RBM19: variants seen among roughly 807,000 people sequenced by gnomAD.
RBM19 encodes the protein probable RNA-binding protein 19.
Under a neutral mutation model 116.8 loss-of-function variants are expected in RBM19, and 94 were observed. That is an observed-to-expected ratio of 0.80 (90% confidence interval 0.68 to 0.95). The LOEUF is 0.95. Among genes scored for constraint, RBM19 ranks in the 40% least tolerant of loss-of-function variants. RBM19 has a pLI of 0.00. For missense variants in RBM19, 1,161 were observed against 1,220.7 expected (o/e 0.95, Z 0.73); for synonymous variants, 475 against 494.1 (o/e 0.96, Z 0.51).
chr12:113,922,706 T>C (rs1446717658), intron 18 of RBM19, among the ~76,000 whole-genome samples: 2 of 152,014 alleles, frequency 1.3e-5, no homozygotes, highest in South Asian at 4.1e-4. Flanking sequence ...CAAAACTATA[T>C]CTGAAGACCC....
intron 21 of RBM19, among the ~76,000 whole-genome samples, chr12:113,886,150 C>T (rs1056503348): frequency 2.0e-5 from 3 of 151,984 alleles, no homozygotes; most frequent in Non-Finnish European, 2.9e-5. Flanking sequence ...GGATTACAGG[C>T]GTGAGCCACC....
At chr12:113,890,269 C>T (rs1000352200) in intron 21 of RBM19, among the ~76,000 whole-genome samples, 16 of 152,176 alleles carry the variant, frequency 1.1e-4, no homozygotes, top group African/African-American at 3.9e-4. Context: ...GGCTCTGGGC[C>T]GTGAGTGGCC....
At chr12:113,842,284 G>A (rs1057074910) in intron 23 of RBM19, among the ~76,000 whole-genome samples, 1 of 152,224 alleles carries the variant, frequency 6.6e-6, no homozygotes, top group Non-Finnish European at 1.5e-5. Flanking sequence ...GGCTGGCCCC[G>A]GGGTTGGGGG....
chr12:113,920,012 GCCACC>G (rs1868388260), intron 19 of RBM19, among the ~76,000 whole-genome samples: 1 of 152,046 alleles, frequency 6.6e-6, no homozygotes, highest in African/African-American at 2.4e-5. Context: ...ACCCTGAACC[GCCACC>G]CCACGCCGCC....
intron 21 of RBM19, among the ~76,000 whole-genome samples, chr12:113,884,302 C>CAT (rs1880380004): frequency 1.1e-5 from 1 of 93,154 alleles, no homozygotes; most frequent in Admixed American, 1.5e-4. Flanking sequence ...AAAGTATACA[C>CAT]ACACACACAC....
At chr12:113,860,335 C>T (rs1237883578) in intron 21 of RBM19, among the ~76,000 whole-genome samples, 2 of 152,240 alleles carry the variant, frequency 1.3e-5, no homozygotes, top group Non-Finnish European at 2.9e-5. Flanking sequence ...CACCTAAAGG[C>T]GGATGCATCC....
chr12:113,918,522 C>CTCTGCTCTGGTG, intron 19 of RBM19, 75 bp from the exon 20 acceptor site: 1 of 1,517,462 alleles, frequency 6.6e-7, no homozygotes. Context: ...TTCACCAGAG[C>CTCTGCTCTGGTG]AGAGCCCTGG....
chr12:113,922,925 G>C (rs1868719514), intron 18 of RBM19, among the ~76,000 whole-genome samples: 1 of 152,208 alleles, frequency 6.6e-6, no homozygotes, highest in Non-Finnish European at 1.5e-5. Flanking sequence ...CTTGAGGTCA[G>C]GAGTTCGAGA....
chr12:113,890,195 G>A (rs929264120), intron 21 of RBM19, among the ~76,000 whole-genome samples: 7 of 152,320 alleles, frequency 4.6e-5, no homozygotes, highest in Admixed American at 2.6e-4. Flanking sequence ...TTTTACGGCC[G>A]CCTTCTCTAG....
chr12:113,917,218 C>T (rs1882821672), intron 20 of RBM19, among the ~76,000 whole-genome samples: 1 of 152,190 alleles, frequency 6.6e-6, no homozygotes, highest in African/African-American at 2.4e-5. Flanking sequence ...TGAGACCTTG[C>T]AAGGCTGAAT....
At chr12:113,838,128 C>G (rs1037768241) in intron 23 of RBM19, among the ~76,000 whole-genome samples, 3 of 152,234 alleles carry the variant, frequency 2.0e-5, no homozygotes, top group Admixed American at 1.3e-4. Flanking sequence ...CCTCTCCTGG[C>G]AGCTCAGGAC....
chr12:113,902,312 C>G (rs1461639412), intron 21 of RBM19, among the ~76,000 whole-genome samples: 2 of 152,074 alleles, frequency 1.3e-5, no homozygotes, highest in African/African-American at 4.8e-5. Flanking sequence ...ATTTCAAGAA[C>G]ATTATAGAGC....
At chr12:113,861,693 T>C (rs1878411230) in intron 21 of RBM19, among the ~76,000 whole-genome samples, 2 of 151,780 alleles carry the variant, frequency 1.3e-5, no homozygotes, top group Admixed American at 1.3e-4. Context: ...GAAAAATAAT[T>C]AAAAGGTAGA....
chr12:113,954,256 T>C (rs1871717541), intron 7 of RBM19, among the ~76,000 whole-genome samples: 1 of 152,124 alleles, frequency 6.6e-6, no homozygotes, highest in South Asian at 2.1e-4. Flanking sequence ...GGCAGCACTG[T>C]ACTACAGCCT....
intron 23 of RBM19, among the ~76,000 whole-genome samples, chr12:113,838,556 A>AT (rs1260005481): frequency 6.6e-6 from 1 of 152,116 alleles, no homozygotes; most frequent in Non-Finnish European, 1.5e-5. Flanking sequence ...ATGGGAAGCT[A>AT]TTTTTTTCTT....
At chr12:113,849,949 G>A (rs1442632273) in intron 22 of RBM19, among the ~76,000 whole-genome samples, 3 of 152,164 alleles carry the variant, frequency 2.0e-5, no homozygotes, top group Non-Finnish European at 4.4e-5. Flanking sequence ...GGAAAGAGGG[G>A]AAGAGGGAGG....
rs751382773 is a variant in RBM19, at chr12:113,940,130, G to T, written c.1768C>A (p.Leu590Met). 4 of 1,614,098 alleles carry T rather than the reference G, an allele frequency of 2.5e-6. No homozygotes were observed. The highest frequency in any genetic ancestry group is 3.4e-6 in the Non-Finnish European group (4 of 1,179,992). The change falls in exon 15 of 24, where the codon CTG becomes ATG. Residue 590 changes from leucine (L) to methionine (M), a missense_variant. Physicochemically the swap from Leu to Met is conservative, Grantham distance 15. Transcript: ENST00000261741. ...GTGCCTGCCGGGAGGTTCTTGACCA[G>T]AATCACAGTCTTGCTTCGCTCTGCT... The part of the protein sequence containing the change: ...AAAERSKTVI[L>M]VKNLPAGTLA...
chr12:113,937,119 G>A lies in RBM19; in HGVS notation c.1956C>T (p.Leu652=), dbSNP rs1273558220. ...LAYSKFHHVP[L]YLEWAPVGVF... The stretch of plus-strand genomic sequence containing the variant: ...CGCCAACTGGAGCCCACTCCAGATA[G>A]AGGGGGACATGATGGAACTGCAGAG... The change falls in exon 16 of 24, where the codon CTC becomes CTT. Residue 652 remains leucine (L), a synonymous_variant. Coordinates refer to ENST00000261741, the MANE Select transcript of RBM19 (RefSeq NM_016196.4). 6.2e-7 allele frequency: 1 copy of A among 1,613,998 alleles called. No homozygotes were observed. The highest frequency in any genetic ancestry group is 1.7e-5 in the Admixed American group (1 of 60,006).
At chr12:113,860,230 G>A (rs183796526) in intron 21 of RBM19, among the ~76,000 whole-genome samples, 2 of 152,174 alleles carry the variant, frequency 1.3e-5, no homozygotes, top group Non-Finnish European at 2.9e-5. Flanking sequence ...CCTGCTGGAG[G>A]GGGGCCAGGG....
Sources: allele counts gnomAD v4.1 joint callset (sites outside exome capture counted in the v4.1 genomes callset), GRCh38; gene constraint gnomAD v4.1.1; transcripts MANE v1.5; gene names NCBI Gene and HGNC (gene_info 2026-07-23, HGNC 2026-07-21).